Variants in PDZD8 observed in about 807,000 individuals in gnomAD.
PDZD8 encodes PDZ domain containing 8, also known as PDZ domain-containing protein 8.
A neutral mutation model predicts 85.8 loss-of-function variants in PDZD8; 14 were observed. The observed-to-expected ratio is 0.16, with a 90% confidence interval of 0.11 to 0.26. The LOEUF (loss-of-function observed/expected upper bound fraction) is 0.26. PDZD8 is among the 10% of genes least tolerant of loss of function. The pLI is 1.00. For missense variants in PDZD8, 1,197 were observed against 1,424.3 expected (o/e 0.84, Z 2.57); for synonymous variants, 592 against 568.6 (o/e 1.04, Z -0.59).
chr10:117,373,604 C>CAAAAAAAAA (rs796930758), intron 1 of PDZD8, among the ~76,000 whole-genome samples: 7 of 52,426 alleles, frequency 1.3e-4, no homozygotes, highest in African/African-American at 2.7e-4. Context: ...CTAAAAAATA[C>CAAAAAAAAA]AAAAAAAAAA....
chr10:117,303,839 GGAACCTCTGCC>G (rs1384478778), intron 3 of PDZD8, among the ~76,000 whole-genome samples: 16 of 152,248 alleles, frequency 1.1e-4, no homozygotes, highest in Non-Finnish European at 2.1e-4. Context: ...TTGAGGTTTG[GGAACCTCTGCC>G]TAGATTTCAG....
intron 3 of PDZD8, among the ~76,000 whole-genome samples, chr10:117,309,576 T>C (rs1344652988): frequency 6.6e-6 from 1 of 151,974 alleles, no homozygotes; most frequent in Admixed American, 6.6e-5. Flanking sequence ...AAACCCTCCA[T>C]TCCCAGTGGT....
chr10:117,307,793 C>T (rs766655134), intron 3 of PDZD8, among the ~76,000 whole-genome samples: 1 of 152,102 alleles, frequency 6.6e-6, no homozygotes, highest in Non-Finnish European at 1.5e-5. Context: ...ACTACAAAGA[C>T]GGGTTTAATA....
intron 3 of PDZD8, among the ~76,000 whole-genome samples, chr10:117,316,298 T>C (rs190185908): frequency 3.3e-5 from 5 of 152,314 alleles, no homozygotes; most frequent in Non-Finnish European, 7.4e-5. Context: ...ATTTCTAAAA[T>C]AGGCTTTATG....
chr10:117,371,973 A>C (rs759629723), intron 1 of PDZD8, among the ~76,000 whole-genome samples: 2 of 152,160 alleles, frequency 1.3e-5, no homozygotes, highest in Non-Finnish European at 2.9e-5. Context: ...CAAAAAAATT[A>C]CTAAGTATAG....
At chr10:117,314,898 C>G (rs549398980) in intron 3 of PDZD8, among the ~76,000 whole-genome samples, 14 of 152,276 alleles carry the variant, frequency 9.2e-5, no homozygotes, top group African/African-American at 3.4e-4. Context: ...CAATTGCTGT[C>G]AAGTACCTGA....
At position 117,285,194 on chromosome 10, in the gene PDZD8, A is replaced by C. The variant is rs1405736654; in HGVS notation, c.1539T>G (p.Asp513Glu). The C allele has an allele frequency of 1.9e-6, 3 of 1,614,194 alleles. No homozygotes were observed. The highest frequency in any genetic ancestry group is 2.5e-6 in the Non-Finnish European group (3 of 1,180,036). The change falls in exon 5 of 5, where the codon GAT (aspartate) becomes GAG (glutamate). Residue 513 changes from aspartate to glutamate, a missense_variant. This residue lies in a region of PDZD8 where 263 missense variants were observed against 261.9 expected (regional missense o/e 1.00). Transcript: ENST00000334464. ...GACTATGACTTAATGATTGTGCCTC[A>C]TCTTTGAACTCATTTTGTGCTCTGA... ...SDVRAQNEFK[D>E]EAQSLSHSPK...
intron 3 of PDZD8, among the ~76,000 whole-genome samples, chr10:117,308,173 G>C (rs10886058): frequency 0.15 from 22,584 of 151,898 alleles, 1,972 homozygotes; most frequent in East Asian, 0.41. Context: ...GTTGACATGG[G>C]CAGCAGCTAC....
chr10:117,318,830 T>C (rs1273461067), intron 3 of PDZD8, 42 bp downstream of exon 3: 2 of 1,390,960 alleles, frequency 1.4e-6, no homozygotes, highest in Non-Finnish European at 2.0e-6. Flanking sequence ...GCTTATAAAA[T>C]AGAACTTTAT....
intron 2 of PDZD8, among the ~76,000 whole-genome samples, chr10:117,319,699 A>G (rs1028962384): frequency 6.6e-6 from 1 of 152,088 alleles, no homozygotes; most frequent in African/African-American, 2.4e-5. Context: ...TCTAAAAAAG[A>G]CATATGAGGT....
At position 117,284,174 on chromosome 10, in the gene PDZD8, C is replaced by T; in HGVS notation, c.2559G>A (p.Trp853Ter). The T allele has an allele frequency of 6.2e-7, 1 of 1,614,170 alleles. No homozygotes were observed. The highest frequency in any genetic ancestry group is 8.5e-7 in the Non-Finnish European group (1 of 1,180,018). ...AAACTTTTTTCTTACAGTAGTCACA[C>T]CATGTTGGGTTCTGGAACTGAGTAT... is the stretch of plus-strand genomic sequence containing the variant. ...FQDTQFQNPTWCDYCKKKVWT... is the reference protein window; with the variant it reads ...FQDTQFQNPT Residue 853 changes from tryptophan (W) to a stop codon, truncating the protein, a stop_gained, in exon 5 of 5, where the codon TGG (tryptophan) becomes TGA (stop). Transcript: ENST00000334464. LOFTEE classifies it high-confidence loss of function.
chr10:117,294,443 C>T (rs560069501), intron 3 of PDZD8, among the ~76,000 whole-genome samples: 2 of 151,874 alleles, frequency 1.3e-5, no homozygotes, highest in African/African-American at 2.4e-5. Flanking sequence ...AAAAACAGTA[C>T]AGTGGTTCCT....
intron 1 of PDZD8, among the ~76,000 whole-genome samples, chr10:117,350,891 G>GAAAA (rs11315947): frequency 5.2e-4 from 67 of 127,692 alleles, no homozygotes; most frequent in African/African-American, 1.8e-3. Context: ...GTGACAAAGT[G>GAAAA]AAAAAAAAAA....
At chr10:117,289,830 G>C (rs565337537) in intron 4 of PDZD8, among the ~76,000 whole-genome samples, 1 of 152,134 alleles carries the variant, frequency 6.6e-6, no homozygotes, top group Non-Finnish European at 1.5e-5. Flanking sequence ...GAGTAGCAAT[G>C]GTGGTAGTCG....
rs571234818 is a variant in PDZD8 at position 117,285,388 on chromosome 10, C to G, written c.1345G>C (p.Val449Leu). 1 of 1,614,174 alleles carries G rather than the reference C, an allele frequency of 6.2e-7. No individual in the cohort carries two copies. Among genetic ancestry groups the G allele is most frequent in the South Asian group, 1.1e-5 (1 of 91,088 alleles). The change falls in exon 5 of 5, where the codon GTT becomes CTT. Residue 449 changes from valine (V) to leucine (L), a missense_variant. This residue lies in a region of PDZD8 where 344 missense variants were observed against 453.6 expected (regional missense o/e 0.76). Coordinates refer to ENST00000334464, the MANE Select transcript of PDZD8 (RefSeq NM_173791.5). ...DRVLVYYERP[V>L]GQSNQGAVLQ... ...ACTGCACCTTGATTACTCTGGCCAACAGGCCTTTCATAGTACACCAGGACT... is the reference window on the plus strand; with the variant it reads ...ACTGCACCTTGATTACTCTGGCCAAGAGGCCTTTCATAGTACACCAGGACT...
chr10:117,341,453 G>A (rs1370424425), intron 1 of PDZD8, among the ~76,000 whole-genome samples: 2 of 152,160 alleles, frequency 1.3e-5, no homozygotes, highest in East Asian at 3.8e-4. Flanking sequence ...AATTCAGAAT[G>A]CATGTTCCAT....
At chr10:117,319,399 A>C (rs1372139385) in intron 2 of PDZD8, among the ~76,000 whole-genome samples, 1 of 18,916 alleles carries the variant, frequency 5.3e-5, no homozygotes, top group African/African-American at 7.3e-5. Flanking sequence ...ATAAACACAC[A>C]CACACACACA....
At chr10:117,332,365 C>T (rs1589572082) in intron 2 of PDZD8, among the ~76,000 whole-genome samples, 1 of 152,260 alleles carries the variant, frequency 6.6e-6, no homozygotes, top group East Asian at 1.9e-4. Context: ...ATTTCTCCAT[C>T]CCTCGATCTT....
chr10:117,298,304 TCTC>T (rs1843789134), intron 3 of PDZD8, among the ~76,000 whole-genome samples: 1 of 152,150 alleles, frequency 6.6e-6, no homozygotes, highest in South Asian at 2.1e-4. Context: ...AATAGTCCTG[TCTC>T]CTCAAGTCCC....
Sources: gnomAD v4.1 joint callset for allele counts (sites outside exome capture counted in the v4.1 genomes callset) on GRCh38, gnomAD v4.1.1 for gene constraint, gnomAD v4.1.1 regional missense constraint, MANE v1.5 for transcripts, NCBI Gene and HGNC (gene_info 2026-07-23, HGNC 2026-07-21) for gene names.